The following SLC8A1 variants were observed in gnomAD, a reference collection of about 807,000 sequenced individuals.
SLC8A1 encodes the protein sodium/calcium exchanger 1.
Under a neutral mutation model 68.3 loss-of-function variants are expected in SLC8A1, and 18 were observed. The ratio of observed to expected loss-of-function variants is 0.26; its 90% confidence interval spans 0.18 to 0.39. The LOEUF (loss-of-function observed/expected upper bound fraction) is 0.39. Ranked by LOEUF, SLC8A1 falls within the 10% of genes least tolerant of loss-of-function variation. The probability of loss-of-function intolerance (pLI) is 1.00; values close to 1 mark genes in which losing one functional copy is unlikely to be tolerated. For synonymous variants in SLC8A1, 475 were observed against 415.5 expected (o/e 1.14, Z -1.74); for missense variants, 985 against 1,156.7 (o/e 0.85, Z 2.15).
At chr2:40,126,209 GACTA>G (rs1306214881) in intron 7 of SLC8A1, among the ~76,000 whole-genome samples, 1 of 152,168 alleles carries the variant, frequency 6.6e-6, no homozygotes, top group Non-Finnish European at 1.5e-5. Context: ...CATCTACGCT[GACTA>G]ACTCTCAGGG....
chr2:40,305,137 T>A (rs1330834965), intron 2 of SLC8A1, among the ~76,000 whole-genome samples: 1 of 152,202 alleles, frequency 6.6e-6, no homozygotes, highest in African/African-American at 2.4e-5. Context: ...AACAGCCTTG[T>A]CCTATTCATC....
intron 2 of SLC8A1, among the ~76,000 whole-genome samples, chr2:40,383,232 A>G (rs961100124): frequency 2.0e-5 from 3 of 152,062 alleles, no homozygotes; most frequent in Non-Finnish European, 4.4e-5. Flanking sequence ...CATTTTTTTG[A>G]AATTTGGAGA....
chr2:40,295,334 C>G (rs754462169), intron 2 of SLC8A1, among the ~76,000 whole-genome samples: 1 of 152,036 alleles, frequency 6.6e-6, no homozygotes, highest in Admixed American at 6.6e-5. Context: ...AACTCCTGGG[C>G]TCAACAGATC....
In SLC8A1 at chr2:40,355,803, C is replaced by G. The variant is rs143768296; in HGVS notation, c.1808+72670G>C. Among the ~76,000 whole-genome samples the G allele has an allele frequency of 9.4e-3, 1,430 of 152,300 alleles. 9 individuals carry two copies. The highest frequency in any genetic ancestry group is 0.032 in the African/African-American group (1,349 of 41,560). ...TCTGTTTCTTTGGCATTTGCTTTCT[C>G]TGGTATTATGTGCCATTTTACAACA... is the stretch of plus-strand genomic sequence containing the variant. On this transcript the variant is annotated intron_variant, in intron 2 of 7. Transcript: ENST00000406785.
intron 2 of SLC8A1, among the ~76,000 whole-genome samples, chr2:40,398,072 C>T (rs946640874): frequency 6.6e-6 from 1 of 152,194 alleles, no homozygotes; most frequent in Non-Finnish European, 1.5e-5. Context: ...ATTTCTTCTG[C>T]AGTTATTGAA....
intron 6 of SLC8A1, among the ~76,000 whole-genome samples, chr2:40,148,155 T>C (rs1161805622): frequency 6.6e-6 from 1 of 152,248 alleles, no homozygotes; most frequent in Admixed American, 6.5e-5. Flanking sequence ...ATTAACTCTC[T>C]GGATATGATA....
At chr2:40,144,374 A>C (rs758975566) in intron 6 of SLC8A1, among the ~76,000 whole-genome samples, 3 of 152,208 alleles carry the variant, frequency 2.0e-5, no homozygotes, top group Non-Finnish European at 4.4e-5. Context: ...AAGTTCAGAG[A>C]ATTTAAGTGA....
exon 8 of SLC8A1, chr2:40,109,915 G>C (rs923398036): frequency 6.6e-6 from 1 of 152,112 alleles, no homozygotes; most frequent in African/African-American, 2.4e-5. Context: ...TAACTACTAA[G>C]TCATATTGCT....
intron 2 of SLC8A1, among the ~76,000 whole-genome samples, chr2:40,331,637 A>G (rs1348549867): frequency 3.3e-5 from 5 of 151,816 alleles, no homozygotes; most frequent in Non-Finnish European, 7.4e-5. Context: ...TCTGTCGCCC[A>G]GGCTAGGGTG....
chr2:40,274,404 T>C (rs1272699534), intron 2 of SLC8A1, among the ~76,000 whole-genome samples: 2 of 152,088 alleles, frequency 1.3e-5, no homozygotes, highest in South Asian at 2.1e-4. Flanking sequence ...AGTTGTGCTC[T>C]AAAATTTTCC....
chr2:40,102,905 G>A (rs1237305493), exon 8 of SLC8A1: 1 of 152,160 alleles, frequency 6.6e-6, no homozygotes, highest in South Asian at 2.1e-4. Flanking sequence ...TATAATGAGA[G>A]AAGGAAAAGT....
chr2:40,256,524 T>G (rs1230421788), intron 2 of SLC8A1, among the ~76,000 whole-genome samples: 1 of 152,246 alleles, frequency 6.6e-6, no homozygotes. Flanking sequence ...ACGTCTAAAG[T>G]GTTCTACTGG....
intron 2 of SLC8A1, among the ~76,000 whole-genome samples, chr2:40,279,186 G>A (rs1003883256): frequency 7.2e-5 from 11 of 152,138 alleles, no homozygotes; most frequent in African/African-American, 1.9e-4. Context: ...TCCAGGAGCC[G>A]ATCTGATCCT....
chr2:40,232,253 C>T (rs956234315), intron 2 of SLC8A1, among the ~76,000 whole-genome samples: 1 of 152,096 alleles, frequency 6.6e-6, no homozygotes, highest in Non-Finnish European at 1.5e-5. Context: ...GGCACCTACA[C>T]TGTAGAGATG....
exon 8 of SLC8A1, chr2:40,104,107 C>T (rs1289783668): frequency 2.6e-5 from 4 of 152,184 alleles, no homozygotes; most frequent in Non-Finnish European, 5.9e-5. Flanking sequence ...TTTGGGTCTT[C>T]TCTCTGGTGA....
intron 1 of SLC8A1, among the ~76,000 whole-genome samples, chr2:40,501,249 ATT>A (rs1559775523): frequency 6.6e-6 from 1 of 151,550 alleles, no homozygotes; most frequent in African/African-American, 2.4e-5. Context: ...TTTACTTTGT[ATT>A]TGTTTTCTGT....
exon 8 of SLC8A1, chr2:40,107,439 C>T (rs947318849): frequency 2.0e-5 from 3 of 151,914 alleles, no homozygotes; most frequent in African/African-American, 7.3e-5. Flanking sequence ...TTTTTCAACA[C>T]TTTCCCAAAA....
chr2:40,329,084 AC>A (rs2076146951), intron 2 of SLC8A1, among the ~76,000 whole-genome samples: 2 of 151,696 alleles, frequency 1.3e-5, no homozygotes. Flanking sequence ...ACACACACAC[AC>A]ACACACACAC....
chr2:40,166,333 C>T (rs2046556309), intron 4 of SLC8A1, among the ~76,000 whole-genome samples: 1 of 152,074 alleles, frequency 6.6e-6, no homozygotes, highest in Non-Finnish European at 1.5e-5. Flanking sequence ...TTTCAAGGGT[C>T]AAAACCAACA....
Sources: allele counts gnomAD v4.1 joint callset (sites outside exome capture counted in the v4.1 genomes callset), GRCh38; gene constraint gnomAD v4.1.1; transcripts MANE v1.5; gene names NCBI Gene and HGNC (gene_info 2026-07-23, HGNC 2026-07-21).